Variants in CLNK observed in about 807,000 individuals in gnomAD.
CLNK encodes cytokine dependent hematopoietic cell linker.
CLNK carries 74 observed loss-of-function variants against 68.6 expected under a neutral mutation model. The ratio of observed to expected loss-of-function variants is 1.08; its 90% CI spans 0.89 to 1.31. The LOEUF (loss-of-function observed/expected upper bound fraction) is 1.31, where lower values mean the gene tolerates loss of function less well. Ranked by LOEUF, CLNK falls within the 50% of genes most tolerant of loss-of-function variation. The pLI, the probability that CLNK is intolerant of heterozygous loss-of-function variation, is 0.00. For missense variants in CLNK, 553 were observed against 515.3 expected, an observed-to-expected ratio of 1.07 and a Z score of -0.71; for synonymous variants, 198 against 172.2, an observed-to-expected ratio of 1.15 and a Z score of -1.17.
At chr4:10,697,916 A>G in the CLNK span, among the ~76,000 whole-genome samples, 1 of 152,360 alleles carries the variant, frequency 6.6e-6, no homozygotes, top group Middle Eastern at 3.4e-3. Flanking sequence ...AAGAAATTGT[A>G]GATACTAATC....
chr4:10,514,036 G>A (rs1406436358), intron 15 of CLNK, among the ~76,000 whole-genome samples: 1 of 115,260 alleles, frequency 8.7e-6, no homozygotes, highest in African/African-American at 3.3e-5. Flanking sequence ...AGTCCCCAGA[G>A]TGTGATATTC....
Position 10,624,293 on chromosome 4 carries a change from A to T in CLNK, c.12-26244T>A, listed in dbSNP as rs190945560. ...GTTAAACAGTAGATATTCCACAAAG[A>T]TTAGTGTCCAGTAGTTTTTTGGTTT... On this transcript the variant is annotated intron_variant, in intron 2 of 18. Transcript: ENST00000226951. Among the ~76,000 whole-genome samples, 5 of 152,180 alleles carry T rather than the reference A, an allele frequency of 3.3e-5. No homozygotes were observed. The East Asian group carries it at 9.7e-4, about 30-fold the overall frequency.
At chr4:10,510,257 C>A (rs1473982526) in intron 16 of CLNK, among the ~76,000 whole-genome samples, 1 of 152,112 alleles carries the variant, frequency 6.6e-6, no homozygotes, top group African/African-American at 2.4e-5. Flanking sequence ...CCTTCTAATT[C>A]TCTTTCTAGC....
At chr4:10,655,913 T>G (rs1392855910) in intron 2 of CLNK, among the ~76,000 whole-genome samples, 1 of 152,088 alleles carries the variant, frequency 6.6e-6, no homozygotes, top group Non-Finnish European at 1.5e-5. Flanking sequence ...CCTCCCAAAG[T>G]GCTGGGATTA....
intron 16 of CLNK, among the ~76,000 whole-genome samples, chr4:10,512,896 T>C (rs893436231): frequency 6.6e-6 from 1 of 151,570 alleles, no homozygotes; most frequent in East Asian, 1.9e-4. Context: ...CCAATTGTAG[T>C]GAATGAGCAT....
intron 2 of CLNK, among the ~76,000 whole-genome samples, chr4:10,621,007 G>T (rs1426706877): frequency 6.6e-6 from 1 of 152,072 alleles, no homozygotes; most frequent in Non-Finnish European, 1.5e-5. Context: ...CTGCTCAGGA[G>T]GCTGAGGCAG....
At chr4:10,593,707 C>T (rs1289251130) in intron 3 of CLNK, among the ~76,000 whole-genome samples, 2 of 152,144 alleles carry the variant, frequency 1.3e-5, no homozygotes, top group African/African-American at 4.8e-5. Context: ...CTCCCGTCTC[C>T]AAAGGATGAT....
At chr4:10,698,927 T>A in the CLNK span, among the ~76,000 whole-genome samples, 13 of 152,258 alleles carry the variant, frequency 8.5e-5, no homozygotes, top group African/African-American at 3.1e-4. Context: ...GGAACTCTTT[T>A]TGTCATGGCG....
chr4:10,527,676 G>GT (rs1286858093), intron 13 of CLNK, among the ~76,000 whole-genome samples: 1 of 152,184 alleles, frequency 6.6e-6, no homozygotes, highest in East Asian at 1.9e-4. Flanking sequence ...GTATGGGCAC[G>GT]TGTGTACATG....
intron 2 of CLNK, among the ~76,000 whole-genome samples, chr4:10,639,238 C>T (rs1299091959): frequency 6.6e-6 from 1 of 152,214 alleles, no homozygotes; most frequent in African/African-American, 2.4e-5. Context: ...GACTGAATGG[C>T]TCTGAGTCTT....
chr4:10,492,263 A>G (rs1716609802), intron 18 of CLNK, among the ~76,000 whole-genome samples: 1 of 152,150 alleles, frequency 6.6e-6, no homozygotes, highest in African/African-American at 2.4e-5. Context: ...CTTTGCCTAT[A>G]GCTTGTGACC....
chr4:10,570,595 C>T (rs59836544), intron 5 of CLNK, among the ~76,000 whole-genome samples: 1 of 151,956 alleles, frequency 6.6e-6, no homozygotes, highest in African/African-American at 2.4e-5. Context: ...TTGTATGTTT[C>T]TGGGTAAGGG....
chr4:10,704,316 T>C, the CLNK span, among the ~76,000 whole-genome samples: 47 of 152,300 alleles, frequency 3.1e-4, no homozygotes, highest in African/African-American at 1.1e-3. Flanking sequence ...AAATGACTCA[T>C]GTAAAAGTGT....
intron 18 of CLNK, among the ~76,000 whole-genome samples, chr4:10,498,183 G>A (rs577302276): frequency 1.4e-3 from 215 of 149,874 alleles, no homozygotes; most frequent in African/African-American, 5.1e-3. Flanking sequence ...CAACAAGAAC[G>A]AGACTCCGTC....
intron 2 of CLNK, among the ~76,000 whole-genome samples, chr4:10,657,077 T>G (rs1297524839): frequency 6.6e-6 from 1 of 152,180 alleles, no homozygotes; most frequent in Non-Finnish European, 1.5e-5. Flanking sequence ...TATTATTATT[T>G]TAATTTTGCA....
chr4:10,488,131 C>A lies in CLNK; in HGVS notation c.*2336G>T, dbSNP rs1284891839. 1 of 152,078 alleles carries A rather than the reference C, an allele frequency of 6.6e-6. No individual in the cohort carries two copies. Among genetic ancestry groups the A allele is most frequent in the African/African-American group, 2.4e-5 (1 of 41,394 alleles). 9.4% of individuals were successfully genotyped at this position (152,078 alleles called of 1,614,324 possible). On this transcript the variant is annotated 3_prime_UTR_variant, in exon 19 of 19. Transcript: ENST00000226951. The stretch of plus-strand genomic sequence containing the variant: ...TTTTTTTCTTCCTTTTCCCCTCATT[C>A]TTGCTGTCATCTTAAGGATGCTGAA...
At chr4:10,700,281 G>A in the CLNK span, among the ~76,000 whole-genome samples, 3 of 152,090 alleles carry the variant, frequency 2.0e-5, no homozygotes, top group Admixed American at 6.6e-5. Flanking sequence ...CTTTGGGAGC[G>A]ATATGATTAT....
intron 15 of CLNK, among the ~76,000 whole-genome samples, chr4:10,514,376 T>G (rs1177318477): frequency 6.6e-6 from 1 of 152,172 alleles, no homozygotes; most frequent in African/African-American, 2.4e-5. Context: ...ATATACCCAG[T>G]AATGGGATGG....
chr4:10,680,052 A>G lies in CLNK; in HGVS notation c.-43+4616T>C, dbSNP rs558532703. 3.0e-4 allele frequency among the ~76,000 whole-genome samples: 46 copies of G among 152,306 alleles called. No individual in the cohort carries two copies. The South Asian group carries it at 8.5e-3, about 28-fold the overall frequency. Reference sequence around the variant, plus strand: ...AAAGGATTATAAATCATGCTGCTATAAAGACACATGCACACGTATGTTTAT... The same window carrying G: ...AAAGGATTATAAATCATGCTGCTATGAAGACACATGCACACGTATGTTTAT... On this transcript the variant is annotated intron_variant, in intron 1 of 18. Transcript: ENST00000226951.
Sources: allele counts gnomAD v4.1 joint callset (sites outside exome capture counted in the v4.1 genomes callset), GRCh38; gene constraint gnomAD v4.1.1; transcripts MANE v1.5; gene names NCBI Gene and HGNC (gene_info 2026-07-23, HGNC 2026-07-21).